CSMD1: variants seen among roughly 807,000 people sequenced by gnomAD.
The protein encoded by CSMD1 is CUB and Sushi multiple domains 1.
CSMD1 carries 213 observed loss-of-function variants against 417.5 expected under a neutral mutation model. That is an observed-to-expected ratio of 0.51 (90% CI 0.46 to 0.57). The LOEUF (loss-of-function observed/expected upper bound fraction) is 0.57, where lower values mean the gene tolerates loss of function less well. CSMD1 is among the 20% of genes least tolerant of loss of function. The pLI, the probability that CSMD1 is intolerant of heterozygous loss-of-function variation, is 0.00. For missense variants in CSMD1, 6,923 were observed against 4,529.7 expected, an observed-to-expected ratio of 1.53 and a Z score of -15.17; for synonymous variants, 2,862 against 1,736.8, an observed-to-expected ratio of 1.65 and a Z score of -16.11.
At position 4,726,785 on chromosome 8, in the gene CSMD1, A is replaced by G. The variant is rs145406050; in HGVS notation, c.86-89227T>C. Among the ~76,000 whole-genome samples the G allele has an allele frequency of 2.8e-3, 424 of 152,342 alleles. 2 individuals carry two copies. Among genetic ancestry groups the G allele is most frequent in the African/African-American group, 9.3e-3 (386 of 41,582 alleles). On this transcript the variant is annotated intron_variant, in intron 1 of 69. Coordinates refer to ENST00000635120, the MANE Select transcript of CSMD1 (RefSeq NM_033225.6). ...CCTTTCCTATGTTCTGGCTTGTATT[A>G]AAAATTGCAATAACACAACAATTGA...
chr8:3,218,715 T>C (rs1207995109), intron 29 of CSMD1, among the ~76,000 whole-genome samples: 2 of 150,968 alleles, frequency 1.3e-5, no homozygotes, highest in Non-Finnish European at 2.9e-5. Context: ...CTACTAAAAA[T>C]ACAAAAATTA....
chr8:4,792,756 A>G (rs1797758554), intron 1 of CSMD1, among the ~76,000 whole-genome samples: 2 of 152,120 alleles, frequency 1.3e-5, no homozygotes, highest in South Asian at 4.1e-4. Flanking sequence ...GCCCATTACT[A>G]CGGGGTGTTT....
intron 2 of CSMD1, among the ~76,000 whole-genome samples, chr8:4,507,159 A>G (rs1291196841): frequency 1.3e-5 from 2 of 152,186 alleles, no homozygotes; most frequent in Non-Finnish European, 2.9e-5. Flanking sequence ...CATATTTCTG[A>G]AAGTTTACTG....
At chr8:3,264,172 A>G (rs1161971250) in intron 26 of CSMD1, among the ~76,000 whole-genome samples, 1 of 152,206 alleles carries the variant, frequency 6.6e-6, no homozygotes, top group Non-Finnish European at 1.5e-5. Flanking sequence ...AAATCTGTAT[A>G]TTGACACAAG....
At chr8:3,064,890 T>A (rs527387496) in intron 49 of CSMD1, among the ~76,000 whole-genome samples, 1 of 118,586 alleles carries the variant, frequency 8.4e-6, no homozygotes, top group East Asian at 2.3e-4. Context: ...ACCAAAAATC[T>A]TTTTTTTTCC....
chr8:3,130,682 T>C (rs1817747219), intron 41 of CSMD1, among the ~76,000 whole-genome samples: 1 of 151,896 alleles, frequency 6.6e-6, no homozygotes, highest in African/African-American at 2.4e-5. Context: ...TCCTAGCACG[T>C]GCAGCCATGT....
intron 5 of CSMD1, among the ~76,000 whole-genome samples, chr8:3,875,434 G>T (rs898963744): frequency 1.3e-5 from 2 of 152,136 alleles, no homozygotes; most frequent in African/African-American, 4.8e-5. Context: ...CTGCAGGAGG[G>T]AGTGAGATGA....
intron 54 of CSMD1, among the ~76,000 whole-genome samples, chr8:2,987,537 A>G (rs1435819085): frequency 6.6e-6 from 1 of 151,984 alleles, no homozygotes; most frequent in African/African-American, 2.4e-5. Flanking sequence ...ATTCACTACT[A>G]TTTTGAAAGA....
At chr8:4,598,382 T>C (rs867647328) in intron 2 of CSMD1, among the ~76,000 whole-genome samples, 38 of 152,184 alleles carry the variant, frequency 2.5e-4, no homozygotes, top group Admixed American at 9.8e-4. Context: ...ATATTAGCTC[T>C]AACAGGTGGA....
intron 3 of CSMD1, among the ~76,000 whole-genome samples, chr8:4,316,463 T>G (rs993566809): frequency 6.6e-6 from 1 of 152,198 alleles, no homozygotes; most frequent in Non-Finnish European, 1.5e-5. Flanking sequence ...GCCATTACTT[T>G]CGATGCTGAA....
intron 1 of CSMD1, among the ~76,000 whole-genome samples, chr8:4,774,770 G>T (rs546802369): frequency 3.3e-5 from 5 of 152,188 alleles, no homozygotes; most frequent in African/African-American, 4.8e-5. Context: ...AGACCTTGTT[G>T]TTTAAAAGCC....
chr8:4,342,105 G>A (rs945428039), intron 3 of CSMD1, among the ~76,000 whole-genome samples: 1 of 151,976 alleles, frequency 6.6e-6, no homozygotes, highest in Non-Finnish European at 1.5e-5. Flanking sequence ...ATGTTTCCAT[G>A]GTAACTCCAC....
chr8:2,950,134 G>T (rs980832061), intron 67 of CSMD1, 97 bp downstream of exon 67: 2 of 779,948 alleles, frequency 2.6e-6, no homozygotes, highest in East Asian at 2.5e-5. Flanking sequence ...ACACAAGACA[G>T]CTCTACTCAG....
At chr8:4,841,892 CA>C (rs1800855390) in intron 1 of CSMD1, among the ~76,000 whole-genome samples, 1 of 22,360 alleles carries the variant, frequency 4.5e-5, no homozygotes, top group Admixed American at 6.7e-4. Context: ...GCCGGGGCAA[CA>C]AGAGCAAAAC....
chr8:4,968,585 G>A (rs148305869), intron 1 of CSMD1, among the ~76,000 whole-genome samples: 22 of 152,084 alleles, frequency 1.4e-4, no homozygotes, highest in Middle Eastern at 3.4e-3. Context: ...AACCAAAGGA[G>A]ACTCTCCATA....
At chr8:4,884,753 C>G (rs1585262425) in intron 1 of CSMD1, among the ~76,000 whole-genome samples, 1 of 152,180 alleles carries the variant, frequency 6.6e-6, no homozygotes, top group Non-Finnish European at 1.5e-5. Context: ...GTCACTGCAA[C>G]TCTGTCTTAT....
At chr8:3,065,971 C>T (rs1168826189) in intron 49 of CSMD1, among the ~76,000 whole-genome samples, 1 of 152,126 alleles carries the variant, frequency 6.6e-6, no homozygotes, top group African/African-American at 2.4e-5. Context: ...ACTAAATAAA[C>T]TATAAGCACA....
chr8:3,968,113 G>T (rs1035297314), intron 5 of CSMD1, among the ~76,000 whole-genome samples: 1 of 151,656 alleles, frequency 6.6e-6, no homozygotes, highest in Admixed American at 6.6e-5. Context: ...CGTGAACCCG[G>T]GAGGCAGAGC....
intron 1 of CSMD1, among the ~76,000 whole-genome samples, chr8:4,796,502 T>C (rs1203081777): frequency 6.6e-6 from 1 of 150,578 alleles, no homozygotes; most frequent in East Asian, 2.0e-4. Context: ...CCGAGAATGG[T>C]CTTTCTCAAT....
Sources: gnomAD v4.1 joint callset for allele counts (sites outside exome capture counted in the v4.1 genomes callset) on GRCh38, gnomAD v4.1.1 for gene constraint, MANE v1.5 for transcripts, NCBI Gene and HGNC (gene_info 2026-07-23, HGNC 2026-07-21) for gene names.